PCDHGB2: variants seen among roughly 807,000 people sequenced by gnomAD.
The protein encoded by PCDHGB2 is protocadherin gamma-B2.
In PCDHGB2, 55 loss-of-function variants were observed where a neutral mutation model predicts 59.3. That is an observed-to-expected ratio of 0.93 (90% confidence interval 0.75 to 1.16). The LOEUF is 1.16. PCDHGB2 is among the 50% of genes most tolerant of loss of function. PCDHGB2 has a pLI of 0.00. For missense variants in PCDHGB2, 1,228 were observed against 1,198.5 expected (o/e 1.02, Z -0.36); for synonymous variants, 516 against 512.0 (o/e 1.01, Z -0.11).
intron 1 of PCDHGB2, chr5:141,392,652 A>T: frequency 1.4e-6 from 1 of 713,126 alleles, no homozygotes; most frequent in South Asian, 2.2e-5. Flanking sequence ...GAAGACCCGC[A>T]GATGCCACAA....
At chr5:141,382,467 A>G (rs992224398) in intron 1 of PCDHGB2, among the ~76,000 whole-genome samples, 1 of 152,262 alleles carries the variant, frequency 6.6e-6, no homozygotes, top group Non-Finnish European at 1.5e-5. Flanking sequence ...TTTTTTAAAA[A>G]TTATCTAAGA....
Position 141,432,292 on chromosome 5 carries a change from T to C in PCDHGB2, c.2422-62515T>C, listed in dbSNP as rs1339412798. 2 of 1,614,078 alleles carry C rather than the reference T, an allele frequency of 1.2e-6. No individual in the cohort carries two copies. The highest frequency in any genetic ancestry group is 2.2e-5 in the East Asian group (1 of 44,888). On this transcript the variant is annotated intron_variant, in intron 1 of 3. Coordinates refer to ENST00000522605, the MANE Select transcript of PCDHGB2 (RefSeq NM_018923.3). The surrounding 1 kb of genome is among the most constrained non-coding windows in gnomAD (Gnocchi z 6.0). ...CCTACGTGTCCATCAACTCCGACAC[T>C]GGGGTACTGTATGCGCTGAGCTCCT...
At chr5:141,395,070 T>C (rs1222192652) in intron 1 of PCDHGB2, 1 of 1,614,158 alleles carries the variant, frequency 6.2e-7, no homozygotes, top group Non-Finnish European at 8.5e-7. Context: ...CCTGCAGACC[T>C]ATTCCCAGGA....
chr5:141,464,138 G>A (rs62379197), intron 1 of PCDHGB2, among the ~76,000 whole-genome samples: 42,814 of 151,688 alleles, frequency 0.28, 6,814 homozygotes, highest in African/African-American at 0.44. Context: ...GGTGGTGGGC[G>A]CCTGTAGTCC....
chr5:141,467,055 C>CTT (rs1193465269), intron 1 of PCDHGB2, among the ~76,000 whole-genome samples: 5 of 134,496 alleles, frequency 3.7e-5, no homozygotes, highest in African/African-American at 5.4e-5. Context: ...TCAATGTTTT[C>CTT]TTTTTTTTTT....
chr5:141,398,505 T>A (rs1561664724), intron 1 of PCDHGB2: 7 of 1,598,768 alleles, frequency 4.4e-6, no homozygotes, highest in Non-Finnish European at 6.0e-6. Context: ...TCGAGGACAT[T>A]AATGACCACA....
intron 1 of PCDHGB2, among the ~76,000 whole-genome samples, chr5:141,397,541 C>G (rs1385892486): frequency 6.6e-6 from 1 of 152,014 alleles, no homozygotes; most frequent in Non-Finnish European, 1.5e-5. Context: ...TTTTTGAAAT[C>G]AGTATAGTAT....
chr5:141,487,403 C>T lies in PCDHGB2; in HGVS notation c.2422-7404C>T. 1 of 1,614,140 alleles carries T rather than the reference C, an allele frequency of 6.2e-7. No homozygotes were observed. Among genetic ancestry groups the T allele is most frequent in the South Asian group, 1.1e-5 (1 of 91,082 alleles). ...CAGATCTCGAAGGAGGGAGGGGCTTCCCCCTTCCAATGGGATCCTCCGAAT... is the reference window on the plus strand; with the variant it reads ...CAGATCTCGAAGGAGGGAGGGGCTTTCCCCTTCCAATGGGATCCTCCGAAT... On this transcript the variant is annotated intron_variant, in intron 1 of 3. Coordinates refer to ENST00000522605, the MANE Select transcript of PCDHGB2 (RefSeq NM_018923.3). The surrounding 1 kb of genome is among the most constrained non-coding windows in gnomAD (Gnocchi z 5.0).
chr5:141,393,087 C>T (rs1244090890), intron 1 of PCDHGB2: 1 of 1,613,628 alleles, frequency 6.2e-7, no homozygotes, highest in African/African-American at 1.3e-5. Flanking sequence ...CAGGATAGAT[C>T]GGGAGGAGCT....
At chr5:141,387,920 G>A in intron 1 of PCDHGB2, 12 of 1,481,924 alleles carry the variant, frequency 8.1e-6, no homozygotes, top group Non-Finnish European at 1.1e-5. Context: ...GCCGGGCTGA[G>A]AGGCTGCCAG....
At chr5:141,451,503 A>G (rs1395798374) in intron 1 of PCDHGB2, among the ~76,000 whole-genome samples, 1 of 152,234 alleles carries the variant, frequency 6.6e-6, no homozygotes, top group African/African-American at 2.4e-5. Flanking sequence ...TAGGGCAACC[A>G]GCTTCTGTTA....
Position 141,476,696 on chromosome 5 carries a change from G to T in PCDHGB2, c.2422-18111G>T, listed in dbSNP as rs750429892. ...GACGCGGGAGGACAGCACCAAGTAC[G>T]CGGAGCTGGTGTTGGAGCGCGCCCT... On this transcript the variant is annotated intron_variant, in intron 1 of 3. Transcript: ENST00000522605. This position sits in a 1 kb window ranked among gnomAD's most constrained non-coding sequence, Gnocchi z 7.6. 3 of 1,614,102 alleles carry T rather than the reference G, an allele frequency of 1.9e-6. No individual in the cohort carries two copies. The highest frequency in any genetic ancestry group is 2.5e-6 in the Non-Finnish European group (3 of 1,180,050).
At chr5:141,481,462 C>T (rs1395867714) in intron 1 of PCDHGB2, among the ~76,000 whole-genome samples, 1 of 152,162 alleles carries the variant, frequency 6.6e-6, no homozygotes. Flanking sequence ...ACACTGAAAA[C>T]CATTGGATTA....
intron 1 of PCDHGB2, chr5:141,364,916 T>A (rs1264033754): frequency 1.5e-5 from 25 of 1,613,934 alleles, no homozygotes; most frequent in Non-Finnish European, 2.1e-5. Flanking sequence ...GGAGCTGGTG[T>A]TGGAACAGCC....
chr5:141,410,410 A>G, intron 1 of PCDHGB2: 1 of 1,613,986 alleles, frequency 6.2e-7, no homozygotes, highest in Non-Finnish European at 8.5e-7. Context: ...TCAAGTCTGG[A>G]CCTGTAGTTC....
At chr5:141,471,492 G>A (rs912591449) in intron 1 of PCDHGB2, 1 of 152,176 alleles carries the variant, frequency 6.6e-6, no homozygotes, top group Non-Finnish European at 1.5e-5. Context: ...GGAATTTAGG[G>A]AATGCAAGAG....
Position 141,362,323 on chromosome 5 carries a change from G to A in PCDHGB2, c.2188G>A (p.Gly730Ser). 6.2e-7 allele frequency: 1 copy of A among 1,614,082 alleles called. No homozygotes were observed. Among genetic ancestry groups the A allele is most frequent in the East Asian group, 2.2e-5 (1 of 44,892 alleles). ...RSDAWDCFQP[G>S]LSSKPGPGVL... is the part of the protein sequence containing the mutation. ...AGATGCTTGGGACTGTTTTCAGCCT[G>A]GTCTCAGCTCCAAGCCTGGACCTGG... The change falls in exon 1 of 4, where the codon GGT becomes AGT. Residue 730 changes from glycine (G) to serine (S), a missense_variant. Physicochemically the swap from Gly to Ser is moderately conservative, Grantham distance 56 (BLOSUM62 0). This residue lies in a region of PCDHGB2 where 433 missense variants were observed against 441.8 expected (regional missense o/e 0.98). Coordinates refer to ENST00000522605, the MANE Select transcript of PCDHGB2 (RefSeq NM_018923.3).
At chr5:141,399,092 G>T (rs573118488) in intron 1 of PCDHGB2, 2 of 1,613,810 alleles carry the variant, frequency 1.2e-6, no homozygotes, top group Non-Finnish European at 1.7e-6. Context: ...GATGGTGGTG[G>T]ACTGGTTGCA....
Position 141,489,569 on chromosome 5 carries a change from C to T in PCDHGB2, c.2422-5238C>T. On this transcript the variant is annotated intron_variant, in intron 1 of 3. Coordinates refer to ENST00000522605, the MANE Select transcript of PCDHGB2 (RefSeq NM_018923.3). This position sits in a 1 kb window ranked among gnomAD's most constrained non-coding sequence, Gnocchi z 4.5. ...TGCCTGCTGCCAGTGCAGGTGGTGACTGAACACCCCCTGGAGCTAATCCGT... is the reference window on the plus strand; with the variant it reads ...TGCCTGCTGCCAGTGCAGGTGGTGATTGAACACCCCCTGGAGCTAATCCGT... 6.2e-7 allele frequency: 1 copy of T among 1,614,024 alleles called. No homozygotes were observed. The highest frequency in any genetic ancestry group is 2.2e-5 in the East Asian group (1 of 44,870).
Sources: allele counts gnomAD v4.1 joint callset (sites outside exome capture counted in the v4.1 genomes callset), GRCh38; gene constraint gnomAD v4.1.1; regional missense constraint gnomAD v4.1.1; non-coding constraint Gnocchi (gnomAD v3.1); transcripts MANE v1.5; gene names NCBI Gene and HGNC (gene_info 2026-07-23, HGNC 2026-07-21).